Variants in WDR89 observed in about 807,000 individuals in gnomAD.
WDR89 encodes the protein WD repeat domain 89.
WDR89 carries 17 observed loss-of-function variants against 29.1 expected under a neutral mutation model. That is an observed-to-expected ratio of 0.58 (90% confidence interval 0.40 to 0.88). WDR89 has a LOEUF of 0.88. Ranked by LOEUF, WDR89 falls within the 40% of genes least tolerant of loss-of-function variation. The probability of loss-of-function intolerance (pLI) is 0.00; values close to 1 mark genes in which losing one functional copy is unlikely to be tolerated. For synonymous variants in WDR89, 138 were observed against 157.8 expected (o/e 0.87, Z 0.94); for missense variants, 396 against 456.3 (o/e 0.87, Z 1.20).
At chr14:63,627,200 C>T (rs1207254729) in intron 1 of WDR89, among the ~76,000 whole-genome samples, 1 of 149,274 alleles carries the variant, frequency 6.7e-6, no homozygotes, top group Non-Finnish European at 1.5e-5. Context: ...AAATGTTAAA[C>T]TTTTTGACAA....
intron 2 of WDR89, among the ~76,000 whole-genome samples, chr14:63,604,091 A>G (rs1895203575): frequency 6.6e-6 from 1 of 152,172 alleles, no homozygotes. Context: ...AGCCCCTGTC[A>G]TTTCCTATCA....
intron 2 of WDR89, among the ~76,000 whole-genome samples, chr14:63,613,524 A>G (rs984124761): frequency 2.8e-5 from 4 of 142,374 alleles, no homozygotes; most frequent in African/African-American, 1.1e-4. Flanking sequence ...TTTTTTTGAG[A>G]CAAGAGTCTC....
chr14:63,631,324 C>T (rs1277271943), intron 1 of WDR89, among the ~76,000 whole-genome samples: 3 of 151,970 alleles, frequency 2.0e-5, no homozygotes, highest in Non-Finnish European at 4.4e-5. Context: ...TCTTTTCTTT[C>T]TTTTTGCTTC....
intron 1 of WDR89, among the ~76,000 whole-genome samples, chr14:63,626,676 C>CA (rs35582220): frequency 0.31 from 10,839 of 34,434 alleles, 4,565 homozygotes; most frequent in Non-Finnish European, 0.49. Context: ...GAGACTGTCT[C>CA]AAAAAAAAAA....
rs374522125 is a variant in WDR89 at position 63,601,903 on chromosome 14, TTC to T, written c.-31-1932_-31-1931del. Reference sequence around the variant, plus strand: ...TTCATCATGTAAATAATTTCCATATTTCTCTTTTATAATAAACTAAATAACTA... The same window carrying T: ...TTCATCATGTAAATAATTTCCATATTTCTTTTATAATAAACTAAATAACTA... On this transcript the variant is annotated intron_variant, in intron 2 of 2. Coordinates refer to ENST00000620954, the MANE Select transcript of WDR89 (RefSeq NM_080666.4). The T allele has an allele frequency of 6.9e-4, 364 of 528,262 alleles. 2 individuals are homozygous for T. The highest frequency in any genetic ancestry group is 5.9e-3 in the African/African-American group (312 of 52,684). 32.7% of individuals were successfully genotyped at this position (528,262 alleles called of 1,614,324 possible). A position where few individuals can be genotyped will look rare whatever the true frequency, so the allele number is the denominator to read the frequency against.
At chr14:63,615,883 C>T (rs895503376) in intron 2 of WDR89, among the ~76,000 whole-genome samples, 1 of 150,952 alleles carries the variant, frequency 6.6e-6, no homozygotes, top group African/African-American at 2.5e-5. Context: ...GAGATGGTGC[C>T]ACTGCACTCC....
intron 2 of WDR89, among the ~76,000 whole-genome samples, chr14:63,620,251 G>A (rs1474147582): frequency 1.3e-5 from 2 of 151,992 alleles, no homozygotes; most frequent in Admixed American, 6.6e-5. Context: ...TACTACCTCA[G>A]CCTTAAAAAA....
At chr14:63,602,355 CAG>C (rs1895105446) in intron 2 of WDR89, among the ~76,000 whole-genome samples, 1 of 149,946 alleles carries the variant, frequency 6.7e-6, no homozygotes. Flanking sequence ...ACCTGTAATC[CAG>C]CTACTCGGGA....
Position 63,599,602 on chromosome 14 carries a change from G to A in WDR89, c.341C>T (p.Pro114Leu). ...EKPVQLFKGYPSNIFISFDIN... is the reference protein window; with the variant it reads ...EKPVQLFKGYLSNIFISFDIN... ...ATCAAAACTGATAAAAATATTGGAA[G>A]GGTAACCCTTGAAGAGCTGAACAGG... The change falls in exon 3 of 3, where the codon CCT (proline) becomes CTT (leucine). Residue 114 changes from proline to leucine, a missense_variant. Physicochemically the swap from Pro to Leu is moderately conservative, Grantham distance 98. Coordinates refer to ENST00000620954, the MANE Select transcript of WDR89 (RefSeq NM_080666.4). The A allele has an allele frequency of 6.2e-7, 1 of 1,614,044 alleles. No individual in the cohort carries two copies. Among genetic ancestry groups the A allele is most frequent in the Non-Finnish European group, 8.5e-7 (1 of 1,179,986 alleles).
chr14:63,632,238 G>A (rs759305195), intron 1 of WDR89, among the ~76,000 whole-genome samples: 1 of 152,162 alleles, frequency 6.6e-6, no homozygotes, highest in Non-Finnish European at 1.5e-5. Flanking sequence ...GGGACTTCTG[G>A]GGATGGCCAA....
intron 2 of WDR89, among the ~76,000 whole-genome samples, chr14:63,624,506 A>C (rs1164348399): frequency 7.2e-6 from 1 of 139,776 alleles, no homozygotes; most frequent in South Asian, 2.1e-4. Flanking sequence ...ACAAAAAGAA[A>C]TATTTAAAAA....
At chr14:63,611,784 T>TGGTGCAATCTCGGCTC (rs377451972) in intron 2 of WDR89, among the ~76,000 whole-genome samples, 13,086 of 151,902 alleles carry the variant, frequency 0.086, 1,161 homozygotes, top group African/African-American at 0.22. Context: ...TAGAGTGCTG[T>TGGTGCAATCTCGGCTC]GGTGCAATCT....
At chr14:63,613,479 T>G (rs545490078) in intron 2 of WDR89, among the ~76,000 whole-genome samples, 22 of 152,066 alleles carry the variant, frequency 1.4e-4, no homozygotes, top group African/African-American at 4.8e-4. Context: ...TTTTGTGTAT[T>G]CCAGCTCTTT....
intron 2 of WDR89, among the ~76,000 whole-genome samples, chr14:63,606,345 G>A (rs535841229): frequency 6.6e-6 from 1 of 152,274 alleles, no homozygotes; most frequent in South Asian, 2.1e-4. Context: ...AAGGATATAT[G>A]AAGAAAATAT....
intron 2 of WDR89, among the ~76,000 whole-genome samples, chr14:63,611,711 A>AT (rs1049321554): frequency 6.6e-5 from 10 of 151,540 alleles, no homozygotes; most frequent in Admixed American, 4.0e-4. Flanking sequence ...CCAAAAAAAA[A>AT]TTTTTTTTAA....
chr14:63,599,873 T>C lies in WDR89; in HGVS notation c.70A>G (p.Thr24Ala). The stretch of plus-strand genomic sequence containing the variant: ...GATGTGTCTATACCAAGAAGGTAAG[T>C]GGGCTCTTTGGTTCCTAAGGAACAT... Reference protein sequence around the residue: ...VKCSLGTKEPTYLLGIDTSKT... With the variant: ...VKCSLGTKEPAYLLGIDTSKT... The change falls in exon 3 of 3, where the codon ACT becomes GCT. Residue 24 changes from threonine (T) to alanine (A), a missense_variant. Coordinates refer to ENST00000620954, the MANE Select transcript of WDR89 (RefSeq NM_080666.4). The C allele has an allele frequency of 4.3e-6, 7 of 1,613,992 alleles. No homozygotes were observed. The highest frequency in any genetic ancestry group is 5.9e-6 in the Non-Finnish European group (7 of 1,179,956).
chr14:63,634,521 CAAAAA>C (rs536589308), intron 1 of WDR89, among the ~76,000 whole-genome samples: 1 of 121,390 alleles, frequency 8.2e-6, no homozygotes, highest in Non-Finnish European at 1.8e-5. Flanking sequence ...GACTCCCTCT[CAAAAA>C]AAAAAAAAGA....
chr14:63,625,004 A>G lies in WDR89; in HGVS notation c.-108T>C, dbSNP rs1024802543. On this transcript the variant is annotated 5_prime_UTR_variant, in exon 2 of 3. The change abolishes an upstream ATG in the 5' untranslated region. Coordinates refer to ENST00000620954, the MANE Select transcript of WDR89 (RefSeq NM_080666.4). ...CGTACAAACACCTGTACACGTGTTC[A>G]TCACTATTTTATTTATAATAGCCAA... 5.9e-5 allele frequency: 9 copies of G among 152,336 alleles called. No homozygotes were observed. Among genetic ancestry groups the G allele is most frequent in the African/African-American group, 2.2e-4 (9 of 41,580 alleles). 9.4% of individuals were successfully genotyped at this position (152,336 alleles called of 1,614,324 possible).
Position 63,610,772 on chromosome 14 carries a change from G to A in WDR89, c.-31-10799C>T, listed in dbSNP as rs141798173. 5.4e-3 allele frequency among the ~76,000 whole-genome samples: 787 copies of A among 145,718 alleles called. 6 individuals carry two copies. The highest frequency in any genetic ancestry group is 0.019 in the African/African-American group (751 of 39,190). ...GGCTGGAGTGCAGTGGTGCAATCTC[G>A]GCTCACTGCAACCTCCACCTCCTGG... On this transcript the variant is annotated intron_variant, in intron 2 of 2. Coordinates refer to ENST00000620954, the MANE Select transcript of WDR89 (RefSeq NM_080666.4).
Sources: gnomAD v4.1 joint callset for allele counts (sites outside exome capture counted in the v4.1 genomes callset) on GRCh38, gnomAD v4.1.1 for gene constraint, MANE v1.5 for transcripts, NCBI Gene and HGNC (gene_info 2026-07-23, HGNC 2026-07-21) for gene names.